Variants in CDK19 observed in about 807,000 individuals in gnomAD.
CDK19 encodes the protein cyclin dependent kinase 19, also known as cyclin-dependent kinase 19.
In CDK19, 20 loss-of-function variants were observed where a neutral mutation model predicts 68.3. The ratio of observed to expected loss-of-function variants is 0.29; its 90% CI spans 0.21 to 0.43. The LOEUF (loss-of-function observed/expected upper bound fraction) is 0.43, where lower values mean the gene tolerates loss of function less well. CDK19 is among the 20% of genes least tolerant of loss of function. The probability of loss-of-function intolerance (pLI) is 1.00; values close to 1 mark genes in which losing one functional copy is unlikely to be tolerated. For synonymous variants in CDK19, 221 were observed against 222.8 expected (o/e 0.99, Z 0.07); for missense variants, 339 against 623.5 (o/e 0.54, Z 4.86).
At chr6:110,646,281 A>G in intron 4 of CDK19, 2 of 1,507,676 alleles carry the variant, frequency 1.3e-6, no homozygotes, top group Non-Finnish European at 1.8e-6. Flanking sequence ...CTGCCCCGCC[A>G]ACATGTGCAA....
chr6:110,776,502 C>G (rs1306553965), intron 1 of CDK19, among the ~76,000 whole-genome samples: 1 of 151,900 alleles, frequency 6.6e-6, no homozygotes, highest in Non-Finnish European at 1.5e-5. Context: ...TGTAAGGAAG[C>G]CTGAAGAAGC....
At chr6:110,642,617 A>C (rs1780279067) in intron 4 of CDK19, among the ~76,000 whole-genome samples, 1 of 152,238 alleles carries the variant, frequency 6.6e-6, no homozygotes, top group Non-Finnish European at 1.5e-5. Context: ...TGGCTGACTA[A>C]GTGCTCTGAG....
chr6:110,657,377 T>C (rs1022460284), intron 4 of CDK19, among the ~76,000 whole-genome samples: 1 of 152,336 alleles, frequency 6.6e-6, no homozygotes, highest in South Asian at 2.1e-4. Flanking sequence ...GAATCATCAG[T>C]CCTTGCATGC....
chr6:110,695,085 C>G (rs1052045575), intron 2 of CDK19, among the ~76,000 whole-genome samples: 1 of 151,660 alleles, frequency 6.6e-6, no homozygotes, highest in Admixed American at 6.6e-5. Context: ...CCACTGCACT[C>G]CAGTCTGAGC....
intron 1 of CDK19, among the ~76,000 whole-genome samples, chr6:110,804,888 G>A (rs533627466): frequency 3.1e-4 from 47 of 151,550 alleles, no homozygotes; most frequent in East Asian, 1.4e-3. Context: ...CCCAGGAGGC[G>A]GAGCTTGCAG....
At chr6:110,731,407 A>G (rs141784684) in intron 2 of CDK19, among the ~76,000 whole-genome samples, 1 of 152,290 alleles carries the variant, frequency 6.6e-6, no homozygotes, top group African/African-American at 2.4e-5. Flanking sequence ...AAGTAGATTT[A>G]GATTAGTGGT....
intron 4 of CDK19, among the ~76,000 whole-genome samples, chr6:110,663,117 A>C (rs573644026): frequency 3.3e-5 from 5 of 152,286 alleles, no homozygotes; most frequent in African/African-American, 1.2e-4. Flanking sequence ...TATTTACTCT[A>C]ACACATTTAA....
chr6:110,814,792 C>T (rs1457933553), intron 1 of CDK19: 2 of 682,478 alleles, frequency 2.9e-6, no homozygotes, highest in East Asian at 3.0e-5. Context: ...CGCCTCGGAC[C>T]GGGCTGCGCC....
At chr6:110,731,056 CA>C (rs758985544) in intron 2 of CDK19, among the ~76,000 whole-genome samples, 1 of 78,034 alleles carries the variant, frequency 1.3e-5, no homozygotes. Flanking sequence ...CCATCTCAAA[CA>C]AAAAAAAGAA....
At chr6:110,629,120 C>T (rs1029800495) in intron 6 of CDK19, among the ~76,000 whole-genome samples, 2 of 152,148 alleles carry the variant, frequency 1.3e-5, no homozygotes, top group Non-Finnish European at 2.9e-5. Context: ...ACTGCATGTG[C>T]CTGGTCATGC....
At chr6:110,688,949 C>A (rs1008396389) in intron 2 of CDK19, among the ~76,000 whole-genome samples, 1 of 152,210 alleles carries the variant, frequency 6.6e-6, no homozygotes, top group Non-Finnish European at 1.5e-5. Flanking sequence ...GCTGGGTGCC[C>A]TGGCTTTGCC....
intron 5 of CDK19, 51 bp downstream of exon 5, chr6:110,638,598 T>C (rs1289223049): frequency 2.3e-6 from 2 of 888,324 alleles, no homozygotes; most frequent in Middle Eastern, 2.2e-4. Context: ...GAAACCATCT[T>C]TGCAGTTAAC....
chr6:110,717,450 C>A (rs763851521), intron 2 of CDK19, among the ~76,000 whole-genome samples: 2 of 152,178 alleles, frequency 1.3e-5, no homozygotes, highest in African/African-American at 4.8e-5. Flanking sequence ...TATACTAACG[C>A]TCCAGAAATC....
chr6:110,704,537 ACTC>A (rs1332814658), intron 2 of CDK19, among the ~76,000 whole-genome samples: 13 of 151,622 alleles, frequency 8.6e-5, no homozygotes, highest in African/African-American at 2.2e-4. Flanking sequence ...TATCTATACC[ACTC>A]ATTTGGAAGT....
intron 1 of CDK19, among the ~76,000 whole-genome samples, chr6:110,780,287 G>A (rs80018980): frequency 0.019 from 2,916 of 149,876 alleles, 97 homozygotes; most frequent in African/African-American, 0.068. Flanking sequence ...CTGCTCGGGA[G>A]ACTGAGGCAG....
Position 110,617,651 on chromosome 6 carries a change from T to TTATA in CDK19, c.1378-2989_1378-2986dup, listed in dbSNP as rs1164239935. ...AAAATAATAATAATAATAAAATTAT[T>TTATA]TATATATATATACACACACACACAC... On this transcript the variant is annotated intron_variant, in intron 12 of 12. Coordinates refer to ENST00000368911, the MANE Select transcript of CDK19 (RefSeq NM_015076.5). 4.5e-3 allele frequency among the ~76,000 whole-genome samples: 444 copies of TTATA among 98,762 alleles called. 6 individuals carry two copies. The highest frequency in any genetic ancestry group is 0.014 in the African/African-American group (310 of 21,802). 64.8% of individuals were successfully genotyped at this position (98,762 alleles called of 152,430 possible).
chr6:110,674,316 TG>T (rs1294904362), intron 2 of CDK19, among the ~76,000 whole-genome samples: 1 of 152,158 alleles, frequency 6.6e-6, no homozygotes, highest in Non-Finnish European at 1.5e-5. Context: ...AAAACTACAA[TG>T]GCCTCCAACT....
chr6:110,813,674 T>G (rs1272756352), intron 1 of CDK19: 3 of 151,728 alleles, frequency 2.0e-5, no homozygotes, highest in African/African-American at 7.3e-5. Context: ...TGGATAGCAC[T>G]TTGCAATTTT....
chr6:110,614,679 A>C lies in CDK19; in HGVS notation c.1378-13T>G, dbSNP rs1582669919. The stretch of plus-strand genomic sequence containing the variant: ...GAGAACTGGAGTGCTAGGAGAAGGA[A>C]ACAGGAAAAGGGAATTACTGATGGA... On this transcript the variant is annotated splice_polypyrimidine_tract_variant and intron_variant, in intron 12 of 12. Transcript: ENST00000368911. The C allele has an allele frequency of 6.2e-7, 1 of 1,613,718 alleles. No individual in the cohort carries two copies. Among genetic ancestry groups the C allele is most frequent in the Admixed American group, 1.7e-5 (1 of 60,006 alleles).
Sources: allele counts gnomAD v4.1 joint callset (sites outside exome capture counted in the v4.1 genomes callset), GRCh38; gene constraint gnomAD v4.1.1; transcripts MANE v1.5; gene names NCBI Gene and HGNC (gene_info 2026-07-23, HGNC 2026-07-21).